RORA: variants seen among roughly 807,000 people sequenced by gnomAD.
RORA encodes the protein nuclear receptor ROR-alpha.
RORA carries 7 observed loss-of-function variants against 69.5 expected under a neutral mutation model. That is an observed-to-expected ratio of 0.10 (90% CI 0.06 to 0.19). The LOEUF (loss-of-function observed/expected upper bound fraction) is 0.19, where lower values mean the gene tolerates loss of function less well. Among genes scored for constraint, RORA ranks in the 10% least tolerant of loss-of-function variants. The pLI, the probability that RORA is intolerant of heterozygous loss-of-function variation, is 1.00. For missense variants in RORA, 457 were observed against 663.0 expected, an observed-to-expected ratio of 0.69 and a Z score of 3.41; for synonymous variants, 261 against 240.8, an observed-to-expected ratio of 1.08 and a Z score of -0.78.
intron 2 of RORA, among the ~76,000 whole-genome samples, chr15:60,646,567 A>G (rs530293729): frequency 2.0e-5 from 3 of 152,374 alleles, no homozygotes; most frequent in Admixed American, 1.3e-4. Context: ...ACTGCTTCAG[A>G]AAGACCAGAC....
chr15:60,709,673 A>G (rs1179605721), intron 1 of RORA, among the ~76,000 whole-genome samples: 1 of 150,032 alleles, frequency 6.7e-6, no homozygotes, highest in Non-Finnish European at 1.5e-5. Flanking sequence ...ACTGTCTCCC[A>G]TCACCCCCAT....
At chr15:60,702,233 T>C (rs1057229024) in intron 1 of RORA, among the ~76,000 whole-genome samples, 6 of 152,132 alleles carry the variant, frequency 3.9e-5, no homozygotes, top group African/African-American at 1.2e-4. Flanking sequence ...TCAATGATCT[T>C]TTCTTTTTTT....
At chr15:61,193,514 CCCTGGATCCAGCCCTT>C (rs2079819902) in intron 1 of RORA, among the ~76,000 whole-genome samples, 1 of 152,186 alleles carries the variant, frequency 6.6e-6, no homozygotes, top group Non-Finnish European at 1.5e-5. Flanking sequence ...CACTTTGACT[CCCTGGATCCAGCCCTT>C]CCTGAAGTTT....
intron 1 of RORA, among the ~76,000 whole-genome samples, chr15:60,985,634 G>C (rs902644160): frequency 2.1e-5 from 3 of 140,220 alleles, no homozygotes; most frequent in African/African-American, 8.2e-5. Flanking sequence ...CACGAGGCTG[G>C]AGTGCAGTGG....
At chr15:60,712,430 A>G (rs1366446884) in intron 1 of RORA, among the ~76,000 whole-genome samples, 1 of 152,120 alleles carries the variant, frequency 6.6e-6, no homozygotes, top group East Asian at 1.9e-4. Context: ...GGTCAACATA[A>G]CCCACAGCAC....
chr15:61,099,275 T>C (rs2078843516), intron 1 of RORA, among the ~76,000 whole-genome samples: 1 of 152,188 alleles, frequency 6.6e-6, no homozygotes, highest in African/African-American at 2.4e-5. Flanking sequence ...CTCCACAATA[T>C]GGAATTCAGT....
intron 1 of RORA, among the ~76,000 whole-genome samples, chr15:60,990,349 T>G (rs1449836422): frequency 6.6e-6 from 1 of 152,208 alleles, no homozygotes; most frequent in Non-Finnish European, 1.5e-5. Flanking sequence ...TATACTTGTG[T>G]CACATTATGA....
intron 1 of RORA, among the ~76,000 whole-genome samples, chr15:60,901,057 T>C (rs1413529472): frequency 1.3e-5 from 2 of 152,224 alleles, no homozygotes; most frequent in Non-Finnish European, 2.9e-5. Context: ...ATTGAAATTA[T>C]GCCTATATGT....
intron 1 of RORA, among the ~76,000 whole-genome samples, chr15:60,706,697 A>G (rs1453755444): frequency 6.6e-6 from 1 of 152,180 alleles, no homozygotes; most frequent in Non-Finnish European, 1.5e-5. Context: ...AGAAGCCCAT[A>G]CCACTGTCTT....
intron 2 of RORA, among the ~76,000 whole-genome samples, chr15:60,556,096 T>C (rs1305777527): frequency 6.6e-6 from 1 of 151,902 alleles, no homozygotes; most frequent in African/African-American, 2.4e-5. Context: ...CCCTCTACTT[T>C]CCAATGAAGC....
chr15:61,113,496 A>G (rs757357761), intron 1 of RORA, among the ~76,000 whole-genome samples: 2 of 152,170 alleles, frequency 1.3e-5, no homozygotes, highest in Non-Finnish European at 2.9e-5. Context: ...ATGACAAAGT[A>G]ACTCCTGTGG....
chr15:61,169,003 A>T (rs529636556), intron 1 of RORA, among the ~76,000 whole-genome samples: 19 of 151,710 alleles, frequency 1.3e-4, no homozygotes, highest in African/African-American at 4.4e-4. Context: ...AAGCCACACC[A>T]CTCTTTGTAC....
At chr15:60,970,506 G>C (rs548852600) in intron 1 of RORA, among the ~76,000 whole-genome samples, 50 of 152,336 alleles carry the variant, frequency 3.3e-4, no homozygotes, top group African/African-American at 1.2e-3. Flanking sequence ...AAAGCCTAGA[G>C]TGAAGATGCT....
At chr15:61,193,623 T>C (rs1050924718) in intron 1 of RORA, among the ~76,000 whole-genome samples, 2 of 152,202 alleles carry the variant, frequency 1.3e-5, no homozygotes, top group Non-Finnish European at 2.9e-5. Context: ...TTTTTCTCAT[T>C]TGAACTCAAA....
intron 1 of RORA, among the ~76,000 whole-genome samples, chr15:61,077,957 A>G (rs907519490): frequency 3.9e-5 from 6 of 152,296 alleles, no homozygotes; most frequent in South Asian, 2.1e-4. Flanking sequence ...CATAGTGGCT[A>G]TGTTACATCC....
intron 1 of RORA, among the ~76,000 whole-genome samples, chr15:60,803,557 G>A: frequency 6.6e-6 from 1 of 152,214 alleles, no homozygotes; most frequent in East Asian, 1.9e-4. Flanking sequence ...AGCCCACAAG[G>A]CAGCATTGCA....
intron 1 of RORA, among the ~76,000 whole-genome samples, chr15:60,967,070 A>G (rs1420556390): frequency 3.3e-5 from 5 of 152,200 alleles, no homozygotes; most frequent in Admixed American, 3.3e-4. Context: ...TATCTTCTAC[A>G]GGGCATGGAG....
chr15:60,658,787 G>C (rs80039216), intron 2 of RORA, among the ~76,000 whole-genome samples: 6 of 152,162 alleles, frequency 3.9e-5, no homozygotes, highest in African/African-American at 1.2e-4. Context: ...AACAGGGTCC[G>C]TTCTCCCATG....
At chr15:60,860,150 C>T (rs1024096625) in intron 1 of RORA, among the ~76,000 whole-genome samples, 40 of 152,112 alleles carry the variant, frequency 2.6e-4, no homozygotes, top group Middle Eastern at 3.2e-3. Context: ...CTCAATGGTC[C>T]GGATTGAGAT....
Sources: gnomAD v4.1 joint callset for allele counts (sites outside exome capture counted in the v4.1 genomes callset) on GRCh38, gnomAD v4.1.1 for gene constraint, MANE v1.5 for transcripts, NCBI Gene and HGNC (gene_info 2026-07-23, HGNC 2026-07-21) for gene names.